The following CTNNB1 variants were observed in gnomAD, a reference collection of about 807,000 sequenced individuals.
The protein encoded by CTNNB1 is catenin beta-1.
Under a neutral mutation model 82.5 loss-of-function variants are expected in CTNNB1, and 6 were observed. That is an observed-to-expected ratio of 0.07 (90% CI 0.04 to 0.14). The LOEUF (loss-of-function observed/expected upper bound fraction) is 0.14, where lower values mean the gene tolerates loss of function less well. CTNNB1 is among the 10% of genes least tolerant of loss of function. CTNNB1 has a pLI of 1.00. For missense variants in CTNNB1, 529 were observed against 980.4 expected (o/e 0.54, Z 6.15); for synonymous variants, 312 against 329.7 (o/e 0.95, Z 0.58).
At chr3:41,209,066 A>C (rs2077716572) in intron 1 of CTNNB1, among the ~76,000 whole-genome samples, 1 of 152,208 alleles carries the variant, frequency 6.6e-6, no homozygotes, top group Admixed American at 6.5e-5. Flanking sequence ...CCATTGCTAC[A>C]GTTGCTTGAA....
intron 1 of CTNNB1, among the ~76,000 whole-genome samples, chr3:41,215,837 C>T (rs1483620318): frequency 6.6e-6 from 1 of 152,024 alleles, no homozygotes. Flanking sequence ...CTAGTACTGT[C>T]TAGCTAGGCA....
At chr3:41,230,251 C>T (rs1053097592) in intron 7 of CTNNB1, among the ~76,000 whole-genome samples, 1 of 152,094 alleles carries the variant, frequency 6.6e-6, no homozygotes, top group East Asian at 1.9e-4. Flanking sequence ...TCAGCTGTTC[C>T]AGCAGTAACC....
intron 1 of CTNNB1, among the ~76,000 whole-genome samples, chr3:41,216,777 A>G (rs1348058912): frequency 2.6e-5 from 4 of 152,190 alleles, no homozygotes; most frequent in Non-Finnish European, 5.9e-5. Context: ...CTGCAAATGT[A>G]TGCAAAAATA....
chr3:41,230,149 T>A (rs747000854), intron 7 of CTNNB1, among the ~76,000 whole-genome samples: 2 of 152,208 alleles, frequency 1.3e-5, no homozygotes, highest in African/African-American at 2.4e-5. Context: ...TTATGATTGC[T>A]CCAGGTAACT....
chr3:41,225,895 A>C lies in CTNNB1; in HGVS notation c.936+34A>C, dbSNP rs1202096072. ...ATTATTCTTTATGTGGTTTTCATGG[A>C]GCATTGGACACCTCCAGTGTCATGT... On this transcript the variant is annotated intron_variant, in intron 6 of 14. Transcript: ENST00000349496. The surrounding 1 kb of genome is among the most constrained non-coding windows in gnomAD (Gnocchi z 5.3). 6.4e-7 allele frequency: 1 copy of C among 1,565,690 alleles called. No homozygotes were observed. The highest frequency in any genetic ancestry group is 8.8e-7 in the Non-Finnish European group (1 of 1,139,404).
At chr3:41,214,360 T>G (rs990081696) in intron 1 of CTNNB1, among the ~76,000 whole-genome samples, 4 of 150,394 alleles carry the variant, frequency 2.7e-5, no homozygotes, top group African/African-American at 7.4e-5. Flanking sequence ...ATTGCCAGTT[T>G]AAGGGGACCT....
In CTNNB1 at chr3:41,211,174, G is replaced by GAA. The variant is rs1484050605; in HGVS notation, c.-49+11505_-49+11506dup. On this transcript the variant is annotated intron_variant, in intron 1 of 14. Coordinates refer to ENST00000349496, the MANE Select transcript of CTNNB1 (RefSeq NM_001904.4). ...AGCATCACCACAAACACCATGAGTA[G>GAA]AACATTGTGCTGCGACGTTAACGAT... 12 of 430,288 alleles carry GAA rather than the reference G, an allele frequency of 2.8e-5. No homozygotes were observed. The Admixed American group carries it at 3.0e-4, about 11-fold the overall frequency. 26.7% of individuals were successfully genotyped at this position (430,288 alleles called of 1,614,324 possible).
chr3:41,223,328 TATAAATTTTTAAA>T (rs1305487958), intron 1 of CTNNB1, among the ~76,000 whole-genome samples: 1 of 152,140 alleles, frequency 6.6e-6, no homozygotes, highest in African/African-American at 2.4e-5. Context: ...ATAAGATTTA[TATAAATTTTTAAA>T]ATATTGATCA....
intron 1 of CTNNB1, among the ~76,000 whole-genome samples, chr3:41,203,349 A>T (rs989242047): frequency 1.3e-5 from 2 of 152,162 alleles, no homozygotes; most frequent in Non-Finnish European, 2.9e-5. Context: ...GCTTGAGAAA[A>T]TGTCTTCTCA....
Position 41,239,708 on chromosome 3 carries a change from G to T in CTNNB1, c.*366G>T, listed in dbSNP as rs2078529358. The T allele has an allele frequency of 2.6e-6, 1 of 382,282 alleles. No individual in the cohort carries two copies. The highest frequency in any genetic ancestry group is 4.8e-6 in the Non-Finnish European group (1 of 206,320). 23.7% of individuals were successfully genotyped at this position (382,282 alleles called of 1,614,324 possible). A position where few individuals can be genotyped will look rare whatever the true frequency, so the allele number is the denominator to read the frequency against. Reference sequence around the variant, plus strand: ...TGATTGGCCTGTAGAGTTGCTGAGAGGGCTCGAGGGGTGGGCTGGTATCTC... The same window carrying T: ...TGATTGGCCTGTAGAGTTGCTGAGATGGCTCGAGGGGTGGGCTGGTATCTC... On this transcript the variant is annotated 3_prime_UTR_variant, in exon 15 of 15. Coordinates refer to ENST00000349496, the MANE Select transcript of CTNNB1 (RefSeq NM_001904.4).
intron 2 of CTNNB1, 173 bp downstream of exon 2, chr3:41,224,254 C>T (rs1415167550): frequency 3.6e-6 from 3 of 834,776 alleles, no homozygotes; most frequent in Non-Finnish European, 6.0e-6. Context: ...AAACAAGCCA[C>T]CAGCAGGAAT....
intron 13 of CTNNB1, chr3:41,237,471 A>G (rs1260848869): frequency 6.6e-6 from 1 of 151,838 alleles, no homozygotes; most frequent in Admixed American, 6.6e-5. Context: ...AAAAAAAGCA[A>G]ATTACCAGTG....
At chr3:41,200,651 C>T (rs570248896) in intron 1 of CTNNB1, among the ~76,000 whole-genome samples, 1 of 152,352 alleles carries the variant, frequency 6.6e-6, no homozygotes, top group Admixed American at 6.5e-5. Context: ...TTCCTTCGCT[C>T]CAAAGCTGGC....
intron 1 of CTNNB1, among the ~76,000 whole-genome samples, chr3:41,220,387 C>CA (rs1207077822): frequency 6.6e-6 from 1 of 151,140 alleles, no homozygotes; most frequent in Non-Finnish European, 1.5e-5. Context: ...CACACACCCA[C>CA]ACCCACACCC....
chr3:41,236,401 G>C lies in CTNNB1; in HGVS notation c.1856G>C (p.Cys619Ser). 6.2e-7 allele frequency: 1 copy of C among 1,614,178 alleles called. No individual in the cohort carries two copies. Among genetic ancestry groups the C allele is most frequent in the Non-Finnish European group, 8.5e-7 (1 of 1,180,020 alleles). ...NIQRVAAGVL[C>S]ELAQDKEAAE... ...CAAAGAGTAGCTGCAGGGGTCCTCT[G>C]TGAACTTGCTCAGGACAAGGAAGCT... Residue 619 changes from cysteine to serine, a missense_variant, in exon 12 of 15, where the codon TGT becomes TCT. Coordinates refer to ENST00000349496, the MANE Select transcript of CTNNB1 (RefSeq NM_001904.4).
chr3:41,203,615 A>G (rs2077584073), intron 1 of CTNNB1, among the ~76,000 whole-genome samples: 1 of 152,144 alleles, frequency 6.6e-6, no homozygotes, highest in Admixed American at 6.5e-5. Context: ...TTATATTAGG[A>G]AATAGATAGA....
intron 2 of CTNNB1, 79 bp from the exon 3 acceptor site, chr3:41,224,447 G>T: frequency 3.0e-6 from 4 of 1,312,456 alleles, no homozygotes; most frequent in Non-Finnish European, 4.3e-6. Context: ...ATTTCAATGG[G>T]TCATATCACA....
rs1267873881 is a variant in CTNNB1, at chr3:41,240,357, A to AAAGT, written c.*1016_*1019dup. The AAAGT allele has an allele frequency of 5.3e-6, 1 of 188,200 alleles. No homozygotes were observed. The highest frequency in any genetic ancestry group is 2.3e-5 in the African/African-American group (1 of 42,844). 11.7% of individuals were successfully genotyped at this position (188,200 alleles called of 1,614,324 possible). A position where few individuals can be genotyped will look rare whatever the true frequency, so the allele number is the denominator to read the frequency against. On this transcript the variant is annotated 3_prime_UTR_variant, in exon 15 of 15. Transcript: ENST00000349496. ...CAGTTTACCAGTTGCCTTTTATCCC[A>AAAGT]AAGTTGTTGTAACCTGCTGTGATAC...
At chr3:41,215,053 T>G (rs2077881997) in intron 1 of CTNNB1, among the ~76,000 whole-genome samples, 1 of 151,958 alleles carries the variant, frequency 6.6e-6, no homozygotes, top group Non-Finnish European at 1.5e-5. Context: ...AATGAATCTT[T>G]CGTGGTTCTG....
Sources: gnomAD v4.1 joint callset for allele counts (sites outside exome capture counted in the v4.1 genomes callset) on GRCh38, gnomAD v4.1.1 for gene constraint, Gnocchi (gnomAD v3.1) non-coding constraint, MANE v1.5 for transcripts, NCBI Gene and HGNC (gene_info 2026-07-23, HGNC 2026-07-21) for gene names.